The following NCKAP1 variants were observed in gnomAD, a reference collection of about 807,000 sequenced individuals.
NCKAP1 encodes the protein NCK associated protein 1.
In NCKAP1, 21 loss-of-function variants were observed where a neutral mutation model predicts 151.2. The ratio of observed to expected loss-of-function variants is 0.14; its 90% CI spans 0.10 to 0.20. The LOEUF (loss-of-function observed/expected upper bound fraction) is 0.20. Ranked by LOEUF, NCKAP1 falls within the 10% of genes least tolerant of loss-of-function variation. NCKAP1 has a pLI of 1.00. For missense variants in NCKAP1, 933 were observed against 1,352.1 expected, an observed-to-expected ratio of 0.69 and a Z score of 4.86; for synonymous variants, 484 against 451.8, an observed-to-expected ratio of 1.07 and a Z score of -0.90.
chr2:183,029,451 C>T (rs1047022240), intron 1 of NCKAP1, among the ~76,000 whole-genome samples: 2 of 151,608 alleles, frequency 1.3e-5, no homozygotes, highest in East Asian at 3.9e-4. Context: ...CAAGAACTTA[C>T]CATGATGCCA....
chr2:182,942,444 C>T (rs1299581206), intron 23 of NCKAP1, among the ~76,000 whole-genome samples: 9 of 151,966 alleles, frequency 5.9e-5, no homozygotes, highest in African/African-American at 1.2e-4. Flanking sequence ...CTTACTTAGA[C>T]GCTGAACGGC....
chr2:182,971,161 G>A (rs529773019), intron 15 of NCKAP1, among the ~76,000 whole-genome samples: 3 of 151,980 alleles, frequency 2.0e-5, no homozygotes, highest in South Asian at 2.1e-4. Flanking sequence ...TTGGGAGGCC[G>A]AGGCGGGCGG....
rs146336737 is a variant in NCKAP1, at chr2:182,909,872, G to C, written c.*15830C>G. 66 of 152,264 alleles carry C rather than the reference G, an allele frequency of 4.3e-4. No homozygotes were observed. Among genetic ancestry groups the C allele is most frequent in the African/African-American group, 1.5e-3 (62 of 41,548 alleles). The allele number at this position is 152,264 out of a possible 1,614,324, so 9.4% of individuals were successfully genotyped here. The stretch of plus-strand genomic sequence containing the variant: ...TCCCTGGAATCCATTCTCAGCCACC[G>C]ATTTAGATAAGGGCCAAATAGCCTC... On this transcript the variant is annotated 3_prime_UTR_variant, in exon 31 of 31. Coordinates refer to ENST00000361354, the MANE Select transcript of NCKAP1 (RefSeq NM_013436.5).
At chr2:182,926,518 G>C (rs1027180311) in intron 30 of NCKAP1, among the ~76,000 whole-genome samples, 3 of 152,008 alleles carry the variant, frequency 2.0e-5, no homozygotes, top group Non-Finnish European at 2.9e-5. Flanking sequence ...AACTGGAAGA[G>C]AGGTGACACC....
intron 15 of NCKAP1, among the ~76,000 whole-genome samples, chr2:182,971,393 CAAAAAAAAA>C (rs1190689259): frequency 2.9e-5 from 2 of 68,968 alleles, no homozygotes; most frequent in South Asian, 1.3e-3. Flanking sequence ...GACTCCGTCT[CAAAAAAAAA>C]AAAAAAAAAA....
rs747690895 is a variant in NCKAP1, at chr2:183,023,885, T to C, written c.140A>G (p.Tyr47Cys). ...AGATTCCAGGTTTTTGTCGATAAGA[T>C]AGGATGGTTTTGCCTTGGGGTCTCC... ...ACGDPKAKPSYLIDKNLESAV... is the reference protein window; with the variant it reads ...ACGDPKAKPSCLIDKNLESAV... The change falls in exon 2 of 31, where the codon TAT (tyrosine) becomes TGT (cysteine). Residue 47 changes from tyrosine (Y) to cysteine (C), a missense_variant. By Grantham distance (194) the Tyr-to-Cys change is radical. Coordinates refer to ENST00000361354, the MANE Select transcript of NCKAP1 (RefSeq NM_013436.5). 1.2e-6 allele frequency: 2 copies of C among 1,612,888 alleles called. No homozygotes were observed. Among genetic ancestry groups the C allele is most frequent in the South Asian group, 2.2e-5 (2 of 90,932 alleles).
intron 2 of NCKAP1, among the ~76,000 whole-genome samples, chr2:183,017,740 C>T (rs970346955): frequency 6.6e-6 from 1 of 152,098 alleles, no homozygotes; most frequent in African/African-American, 2.4e-5. Context: ...TGTTTTCACA[C>T]ATATACACTA....
At chr2:182,938,916 T>C (rs533911279) in intron 24 of NCKAP1, among the ~76,000 whole-genome samples, 1 of 152,138 alleles carries the variant, frequency 6.6e-6, no homozygotes, top group Non-Finnish European at 1.5e-5. Flanking sequence ...CTAGAAGACA[T>C]GGCTGTGATC....
At chr2:182,952,995 C>T (rs2105822641) in intron 21 of NCKAP1, 72 bp from the exon 22 acceptor site, 7 of 1,503,272 alleles carry the variant, frequency 4.7e-6, no homozygotes, top group Admixed American at 2.1e-5. Flanking sequence ...TACATTCCTG[C>T]ATATAATTTT....
Position 182,911,106 on chromosome 2 carries a change from G to A in NCKAP1, c.*14596C>T, listed in dbSNP as rs1377319880. 1 of 152,164 alleles carries A rather than the reference G, an allele frequency of 6.6e-6. No homozygotes were observed. The highest frequency in any genetic ancestry group is 1.5e-5 in the Non-Finnish European group (1 of 68,040). The allele number at this position is 152,164 out of a possible 1,614,324, so 9.4% of individuals were successfully genotyped here. On this transcript the variant is annotated 3_prime_UTR_variant, in exon 31 of 31. Coordinates refer to ENST00000361354, the MANE Select transcript of NCKAP1 (RefSeq NM_013436.5). Reference sequence around the variant, plus strand: ...TACCATTAGGTGTTCTTTCCTAAGAGTTAAACAGAAACCAGCCCTTTGGAA... The same window carrying A: ...TACCATTAGGTGTTCTTTCCTAAGAATTAAACAGAAACCAGCCCTTTGGAA...
intron 20 of NCKAP1, among the ~76,000 whole-genome samples, chr2:182,953,546 A>ATCT (rs1185559672): frequency 6.6e-6 from 1 of 152,244 alleles, no homozygotes; most frequent in East Asian, 1.9e-4. Context: ...GCCTATTGTA[A>ATCT]TCCCAGCATT....
At chr2:182,942,197 A>C in intron 23 of NCKAP1, 34 bp from the exon 24 acceptor site, 1 of 1,514,668 alleles carries the variant, frequency 6.6e-7, no homozygotes, top group Non-Finnish European at 9.1e-7. Flanking sequence ...GGTCAGGCAC[A>C]GACCTCTTTG....
chr2:183,009,098 G>A (rs569507700), intron 2 of NCKAP1, among the ~76,000 whole-genome samples: 2 of 152,272 alleles, frequency 1.3e-5, no homozygotes, highest in Non-Finnish European at 2.9e-5. Flanking sequence ...TCCAGGCCAG[G>A]TGCGGAGGAT....
chr2:182,922,823 GC>G lies in NCKAP1; in HGVS notation c.*2878del, dbSNP rs1696573169. 6.6e-6 allele frequency: 1 copy of G among 152,138 alleles called. No homozygotes were observed. Among genetic ancestry groups the G allele is most frequent in the Non-Finnish European group, 1.5e-5 (1 of 68,068 alleles). The allele number at this position is 152,138 out of a possible 1,614,324, so 9.4% of individuals were successfully genotyped here. ...AGGTCAGGAGTTCGAGACCAGCCTG[GC>G]CAACATGGTAAAACCCCATCTCTAC... On this transcript the variant is annotated 3_prime_UTR_variant, in exon 31 of 31. Coordinates refer to ENST00000361354, the MANE Select transcript of NCKAP1 (RefSeq NM_013436.5).
chr2:183,007,069 C>T (rs1330852891), intron 2 of NCKAP1, among the ~76,000 whole-genome samples: 4 of 152,102 alleles, frequency 2.6e-5, no homozygotes, highest in Non-Finnish European at 4.4e-5. Context: ...GGCGGGGTTT[C>T]ACCGTGTCGG....
rs139489872 is a variant in NCKAP1 at position 183,001,600 on chromosome 2, GGTTA to G, written c.603+349_603+352del. On this transcript the variant is annotated intron_variant, in intron 6 of 30. Coordinates refer to ENST00000361354, the MANE Select transcript of NCKAP1 (RefSeq NM_013436.5). ...TGATAAGAAAACTGAGGTATCGTGA[GGTTA>G]GTTAAGTAACTCGACAAATATTATA... 6.2e-4 allele frequency among the ~76,000 whole-genome samples: 94 copies of G among 152,180 alleles called. 2 individuals carry two copies. In the East Asian group the frequency reaches 0.013, roughly 21 times the overall value.
chr2:182,935,253 T>G, intron 25 of NCKAP1, 40 bp downstream of exon 25: 4 of 1,268,652 alleles, frequency 3.2e-6, no homozygotes, highest in Non-Finnish European at 3.3e-6. Flanking sequence ...TTAAAAGGGA[T>G]TGTTTGGATA....
At chr2:182,935,056 T>C (rs1218181615) in intron 25 of NCKAP1, among the ~76,000 whole-genome samples, 3 of 152,124 alleles carry the variant, frequency 2.0e-5, no homozygotes, top group Non-Finnish European at 4.4e-5. Flanking sequence ...CTACTGATAA[T>C]GAAGATCACT....
chr2:182,913,164 C>G lies in NCKAP1; in HGVS notation c.*12538G>C, dbSNP rs1322797230. 3 of 152,188 alleles carry G rather than the reference C, an allele frequency of 2.0e-5. No homozygotes were observed. The highest frequency in any genetic ancestry group is 7.2e-5 in the African/African-American group (3 of 41,454). 9.4% of individuals were successfully genotyped at this position (152,188 alleles called of 1,614,324 possible). On this transcript the variant is annotated 3_prime_UTR_variant, in exon 31 of 31. Transcript: ENST00000361354. ...CTCCACTATATTATAAGCTCTGTGA[C>G]ATCAAGGACCAAATCTGGTTCATGT...
Sources: allele counts gnomAD v4.1 joint callset (sites outside exome capture counted in the v4.1 genomes callset), GRCh38; gene constraint gnomAD v4.1.1; transcripts MANE v1.5; gene names NCBI Gene and HGNC (gene_info 2026-07-23, HGNC 2026-07-21).